The following C1orf87 variants were observed in gnomAD, a reference collection of about 807,000 sequenced individuals.
The protein encoded by C1orf87 is uncharacterized protein C1orf87.
A neutral mutation model predicts 60.5 loss-of-function variants in C1orf87; 58 were observed. The ratio of observed to expected loss-of-function variants is 0.96; its 90% confidence interval spans 0.78 to 1.19. The LOEUF (loss-of-function observed/expected upper bound fraction) is 1.19. Among genes scored for constraint, C1orf87 ranks in the 50% most tolerant of loss-of-function variants. The pLI is 0.00. For synonymous variants in C1orf87, 236 were observed against 227.4 expected (o/e 1.04, Z -0.34); for missense variants, 673 against 638.6 (o/e 1.05, Z -0.58).
chr1:60,039,421 A>T (rs1314487265), intron 5 of C1orf87, among the ~76,000 whole-genome samples: 1 of 152,220 alleles, frequency 6.6e-6, no homozygotes, highest in Non-Finnish European at 1.5e-5. Context: ...TTTGTGTCTT[A>T]GCATGGTGTC....
intron 3 of C1orf87, among the ~76,000 whole-genome samples, chr1:60,052,185 C>T (rs1408988511): frequency 6.6e-6 from 1 of 152,212 alleles, no homozygotes; most frequent in Non-Finnish European, 1.5e-5. Context: ...AAAGCACTAA[C>T]ACTTTCATTT....
At chr1:60,040,225 C>T (rs375750944) in intron 4 of C1orf87, 45 bp from the exon 5 acceptor site, 41 of 1,569,966 alleles carry the variant, frequency 2.6e-5, no homozygotes, top group Middle Eastern at 1.7e-4. Context: ...TTCAATCAGC[C>T]GGCTAAAGAC....
At chr1:60,040,226 G>A (rs142437219) in intron 4 of C1orf87, 46 bp from the exon 5 acceptor site, 162 of 1,570,104 alleles carry the variant, frequency 1.0e-4, no homozygotes, top group South Asian at 1.3e-4. Flanking sequence ...TCAATCAGCC[G>A]GCTAAAGACC....
At chr1:60,000,778 C>T (rs911023122) in intron 10 of C1orf87, among the ~76,000 whole-genome samples, 2 of 151,960 alleles carry the variant, frequency 1.3e-5, no homozygotes, top group African/African-American at 4.8e-5. Context: ...CGGTCACAAG[C>T]TTTGGAAGGA....
intron 3 of C1orf87, among the ~76,000 whole-genome samples, chr1:60,048,543 T>G (rs1448103949): frequency 6.6e-6 from 1 of 152,196 alleles, no homozygotes; most frequent in African/African-American, 2.4e-5. Context: ...TTTTATTTTG[T>G]TTTTGATTTT....
At chr1:60,017,205 A>G (rs961175894) in intron 8 of C1orf87, among the ~76,000 whole-genome samples, 3 of 152,226 alleles carry the variant, frequency 2.0e-5, no homozygotes, top group Non-Finnish European at 4.4e-5. Context: ...CTGGAAGAGA[A>G]AAGGCAGCAG....
At chr1:60,062,107 T>A (rs1645501437) in intron 2 of C1orf87, among the ~76,000 whole-genome samples, 1 of 152,204 alleles carries the variant, frequency 6.6e-6, no homozygotes, top group South Asian at 2.1e-4. Context: ...AGAGGCAGAA[T>A]GCTTCCTTTA....
chr1:60,037,042 T>C (rs1310744777), intron 6 of C1orf87, among the ~76,000 whole-genome samples: 1 of 152,206 alleles, frequency 6.6e-6, no homozygotes, highest in Non-Finnish European at 1.5e-5. Context: ...AAAAAACATA[T>C]GCAATTGCTG....
At chr1:60,003,224 A>G (rs1182439109) in intron 9 of C1orf87, among the ~76,000 whole-genome samples, 2 of 148,578 alleles carry the variant, frequency 1.3e-5, no homozygotes, top group Non-Finnish European at 3.0e-5. Context: ...CACAAGAACA[A>G]AAAACCAAAC....
At position 60,072,601 on chromosome 1, in the gene C1orf87, G is replaced by A. The variant is rs1645591717; in HGVS notation, c.43C>T (p.Pro15Ser). The A allele has an allele frequency of 1.9e-6, 3 of 1,612,888 alleles. No homozygotes were observed. The highest frequency in any genetic ancestry group is 1.3e-5 in the African/African-American group (1 of 74,882). ...CCAATGATTTTCACCATGATCTCAG[G>A]CATTGCATCTGATCCACGGGGAGTC... ...WKTPRGSDAM[P>S]EIMVKIIGSK... The change falls in exon 2 of 12, where the codon CCT (proline) becomes TCT (serine). Residue 15 changes from proline (P) to serine (S), a missense_variant. Transcript: ENST00000371201.
At chr1:60,063,384 CTT>C (rs2100328686) in intron 2 of C1orf87, among the ~76,000 whole-genome samples, 1 of 152,242 alleles carries the variant, frequency 6.6e-6, no homozygotes, top group South Asian at 2.1e-4. Flanking sequence ...TGTTTTCTCT[CTT>C]TTTATTTGTG....
intron 2 of C1orf87, among the ~76,000 whole-genome samples, chr1:60,071,046 A>G (rs1645581197): frequency 2.0e-5 from 3 of 152,174 alleles, no homozygotes; most frequent in Non-Finnish European, 1.5e-5. Flanking sequence ...TGACAGTGAC[A>G]GGGATTTGAC....
chr1:60,029,147 A>G (rs186428698), intron 7 of C1orf87, among the ~76,000 whole-genome samples: 2 of 152,114 alleles, frequency 1.3e-5, no homozygotes, highest in Non-Finnish European at 2.9e-5. Context: ...ACCACTATCC[A>G]TCAAGTTGCC....
intron 11 of C1orf87, among the ~76,000 whole-genome samples, chr1:59,993,756 CTTTTT>C (rs768907279): frequency 1.5e-5 from 2 of 129,208 alleles, no homozygotes; most frequent in Non-Finnish European, 3.3e-5. Flanking sequence ...AATAAGAATC[CTTTTT>C]TTTTTTTTTT....
chr1:60,014,478 T>C (rs922800484), intron 8 of C1orf87, among the ~76,000 whole-genome samples: 2 of 152,102 alleles, frequency 1.3e-5, no homozygotes, highest in African/African-American at 4.8e-5. Context: ...TCCTTCTTCA[T>C]AGAAATTTTA....
intron 3 of C1orf87, among the ~76,000 whole-genome samples, chr1:60,043,407 G>A (rs887536495): frequency 6.6e-6 from 1 of 151,796 alleles, no homozygotes; most frequent in Non-Finnish European, 1.5e-5. Flanking sequence ...TTTTGAGACC[G>A]AGTCTCACTC....
chr1:60,036,555 T>C (rs1645278565), intron 6 of C1orf87, among the ~76,000 whole-genome samples: 1 of 152,176 alleles, frequency 6.6e-6, no homozygotes, highest in Admixed American at 6.5e-5. Context: ...ATTAACTCAG[T>C]TACTATTACA....
intron 3 of C1orf87, among the ~76,000 whole-genome samples, chr1:60,042,584 A>G (rs1645333980): frequency 6.6e-6 from 1 of 152,240 alleles, no homozygotes; most frequent in Non-Finnish European, 1.5e-5. Flanking sequence ...AAAAATCACA[A>G]GAGTTATTTA....
At chr1:60,060,989 G>A (rs1052008332) in intron 2 of C1orf87, among the ~76,000 whole-genome samples, 2 of 152,096 alleles carry the variant, frequency 1.3e-5, no homozygotes, top group African/African-American at 4.8e-5. Flanking sequence ...GCAACTGCCT[G>A]GCCTCTTCAC....
Sources: gnomAD v4.1 joint callset for allele counts (sites outside exome capture counted in the v4.1 genomes callset) on GRCh38, gnomAD v4.1.1 for gene constraint, MANE v1.5 for transcripts, NCBI Gene and HGNC (gene_info 2026-07-23, HGNC 2026-07-21) for gene names.